Variants in DAB1 observed in about 807,000 individuals in gnomAD.
DAB1 encodes the protein DAB adaptor protein 1.
DAB1 carries 15 observed loss-of-function variants against 64.6 expected under a neutral mutation model. That is an observed-to-expected ratio of 0.23 (90% CI 0.16 to 0.36). DAB1 has a LOEUF of 0.36. DAB1 is among the 10% of genes least tolerant of loss of function. The pLI is 1.00. For missense variants in DAB1, 596 were observed against 706.7 expected (o/e 0.84, Z 1.78); for synonymous variants, 235 against 251.9 (o/e 0.93, Z 0.64).
At position 57,810,038 on chromosome 1, in the gene DAB1, C is replaced by T. The variant is rs527400038; in HGVS notation, n.551+73961G>A. ...CAGCCTGCAGGGATTTGCTAGGAGA[C>T]CATAAAACCTTCCCTGATGAGTTTC... is the stretch of plus-strand genomic sequence containing the variant. On this transcript the variant is annotated intron_variant and non_coding_transcript_variant, in intron 6 of 20. Transcript: ENST00000485760. 7.2e-5 allele frequency among the ~76,000 whole-genome samples: 11 copies of T among 152,274 alleles called. No homozygotes were observed. The East Asian group carries it at 2.1e-3, about 29-fold the overall frequency.
chr1:57,951,049 T>G (rs914865210), intron 5 of DAB1, among the ~76,000 whole-genome samples: 1 of 152,082 alleles, frequency 6.6e-6, no homozygotes, highest in Admixed American at 6.6e-5. Flanking sequence ...GCTACTCTGA[T>G]CAGGAGAGTG....
chr1:57,808,655 T>G (rs1651478761), intron 6 of DAB1, among the ~76,000 whole-genome samples: 2 of 152,360 alleles, frequency 1.3e-5, no homozygotes, highest in South Asian at 4.1e-4. Flanking sequence ...TACTCTTATT[T>G]TGATAATTGG....
intron 4 of DAB1, among the ~76,000 whole-genome samples, chr1:58,243,747 T>C (rs1248325949): frequency 1.3e-5 from 2 of 152,192 alleles, no homozygotes; most frequent in South Asian, 2.1e-4. Flanking sequence ...ACAACTTTAC[T>C]ATTCTGATCA....
At chr1:57,490,338 C>T (rs577765942) in intron 7 of DAB1, among the ~76,000 whole-genome samples, 1 of 152,208 alleles carries the variant, frequency 6.6e-6, no homozygotes, top group African/African-American at 2.4e-5. Flanking sequence ...AGGTTAGCTT[C>T]TGGAAGATCT....
intron 7 of DAB1, among the ~76,000 whole-genome samples, chr1:57,594,562 C>G (rs1645483357): frequency 6.6e-6 from 1 of 152,166 alleles, no homozygotes; most frequent in South Asian, 2.1e-4. Context: ...CACCTGAAAT[C>G]ACCAGCCAAA....
At chr1:57,723,181 A>G (rs1647171555) in intron 6 of DAB1, among the ~76,000 whole-genome samples, 1 of 152,180 alleles carries the variant, frequency 6.6e-6, no homozygotes, top group Non-Finnish European at 1.5e-5. Context: ...TTTAAATTCC[A>G]TAGCTAAAGT....
intron 4 of DAB1, among the ~76,000 whole-genome samples, chr1:58,252,568 C>T (rs569615779): frequency 2.0e-5 from 3 of 152,296 alleles, no homozygotes; most frequent in Admixed American, 1.3e-4. Context: ...TCGGCTGAGA[C>T]ACGTGATAAT....
intron 2 of DAB1, among the ~76,000 whole-genome samples, chr1:57,198,640 T>TTCTC (rs139550960): frequency 0.22 from 28,719 of 130,816 alleles, 3,446 homozygotes; most frequent in Admixed American, 0.3. Context: ...TCCCTGCATC[T>TTCTC]TCTCTCTCTC....
intron 4 of DAB1, among the ~76,000 whole-genome samples, chr1:58,316,809 G>A (rs2100480136): frequency 6.6e-6 from 1 of 152,258 alleles, no homozygotes; most frequent in Non-Finnish European, 1.5e-5. Flanking sequence ...TGTCTTCCCA[G>A]TACCTCACAC....
chr1:58,193,397 C>T (rs1412896164), intron 4 of DAB1, among the ~76,000 whole-genome samples: 1 of 152,190 alleles, frequency 6.6e-6, no homozygotes, highest in Non-Finnish European at 1.5e-5. Context: ...CCAAATAAAC[C>T]TCTTTTCTTT....
At chr1:58,421,574 T>C (rs2100222303) in intron 3 of DAB1, among the ~76,000 whole-genome samples, 1 of 152,326 alleles carries the variant, frequency 6.6e-6, no homozygotes, top group South Asian at 2.1e-4. Flanking sequence ...GAGAGAGATG[T>C]GTTCCTCTCA....
chr1:57,313,826 C>G (rs1674947946), intron 1 of DAB1, among the ~76,000 whole-genome samples: 1 of 152,086 alleles, frequency 6.6e-6, no homozygotes, highest in Non-Finnish European at 1.5e-5. Context: ...GGAGGTGCAG[C>G]CTTTGGAAGG....
chr1:58,274,711 C>T (rs1035141855), intron 4 of DAB1, among the ~76,000 whole-genome samples: 2 of 152,144 alleles, frequency 1.3e-5, no homozygotes, highest in Admixed American at 6.5e-5. Flanking sequence ...TCTCGTGGTT[C>T]GCCGCTTTTT....
At chr1:58,118,561 AATACATATATATAT>A (rs1378179396) in intron 5 of DAB1, among the ~76,000 whole-genome samples, 4 of 92,860 alleles carry the variant, frequency 4.3e-5, no homozygotes, top group African/African-American at 2.0e-4. Context: ...ATATATATAA[AATACATATATATAT>A]ATACATATAT....
chr1:57,990,932 A>G (rs989310989), intron 5 of DAB1, among the ~76,000 whole-genome samples: 2 of 152,196 alleles, frequency 1.3e-5, no homozygotes, highest in Non-Finnish European at 2.9e-5. Context: ...CAGGAGTCAT[A>G]GCACTCTTCC....
At chr1:58,513,258 G>A (rs1646109329) in intron 2 of DAB1, among the ~76,000 whole-genome samples, 1 of 152,154 alleles carries the variant, frequency 6.6e-6, no homozygotes, top group Non-Finnish European at 1.5e-5. Flanking sequence ...TGCTATGTAA[G>A]ACATACCTGC....
At chr1:56,999,675 A>G (rs561257654) in intron 14 of DAB1, among the ~76,000 whole-genome samples, 5 of 152,292 alleles carry the variant, frequency 3.3e-5, no homozygotes, top group Admixed American at 2.0e-4. Flanking sequence ...CCATCATTGT[A>G]CAGATGAGGA....
intron 7 of DAB1, among the ~76,000 whole-genome samples, chr1:57,575,340 CA>C (rs1329702529): frequency 2.6e-5 from 4 of 152,128 alleles, no homozygotes; most frequent in African/African-American, 9.7e-5. Flanking sequence ...ATTTAGTTGC[CA>C]AAATGCTTCT....
chr1:57,581,672 C>T (rs1211933131), intron 7 of DAB1, among the ~76,000 whole-genome samples: 1 of 148,454 alleles, frequency 6.7e-6, no homozygotes. Context: ...TCCTATATAC[C>T]ACATTATATA....
Sources: allele counts gnomAD v4.1 joint callset (sites outside exome capture counted in the v4.1 genomes callset), GRCh38; gene constraint gnomAD v4.1.1; transcripts MANE v1.5; gene names NCBI Gene and HGNC (gene_info 2026-07-23, HGNC 2026-07-21).